ZFHX3: variants seen among roughly 807,000 people sequenced by gnomAD.
ZFHX3 encodes zinc finger homeobox protein 3.
A neutral mutation model predicts 279.1 loss-of-function variants in ZFHX3; 42 were observed. The observed-to-expected ratio is 0.15, with a 90% CI of 0.12 to 0.19. The LOEUF is 0.19. ZFHX3 is among the 10% of genes least tolerant of loss of function. The pLI, the probability that ZFHX3 is intolerant of heterozygous loss-of-function variation, is 1.00. For synonymous variants in ZFHX3, 2,293 were observed against 1,957.8 expected, an observed-to-expected ratio of 1.17 and a Z score of -4.52; for missense variants, 4,981 against 4,754.0, an observed-to-expected ratio of 1.05 and a Z score of -1.40.
chr16:73,860,478 G>T (rs1324313308), intron 1 of ZFHX3, among the ~76,000 whole-genome samples: 2 of 150,158 alleles, frequency 1.3e-5, no homozygotes, highest in Admixed American at 6.7e-5. Flanking sequence ...CAAACCAGTT[G>T]TAAGATTCAT....
At chr16:73,180,340 T>G (rs1271242403) in intron 5 of ZFHX3, among the ~76,000 whole-genome samples, 1 of 152,130 alleles carries the variant, frequency 6.6e-6, no homozygotes, top group African/African-American at 2.4e-5. Context: ...TTCTCTTTAT[T>G]TTATTATTAT....
chr16:73,534,342 A>G (rs2019857587), intron 2 of ZFHX3, among the ~76,000 whole-genome samples: 1 of 152,056 alleles, frequency 6.6e-6, no homozygotes, highest in African/African-American at 2.4e-5. Context: ...TATCCTCTCA[A>G]TGAGTTCTAC....
Position 72,958,027 on chromosome 16 carries a change from C to T in ZFHX3, c.2119G>A (p.Gly707Arg), listed in dbSNP as rs550330554. The change falls in exon 2 of 10, where the codon GGG (glycine) becomes AGG (arginine). Residue 707 changes from glycine (G) to arginine (R), a missense_variant. This residue lies in a region of ZFHX3 where 39 missense variants were observed against 68.2 expected (regional missense o/e 0.57). Coordinates refer to ENST00000268489, the MANE Select transcript of ZFHX3 (RefSeq NM_006885.4). Reference sequence around the variant, plus strand: ...CGTGCCAGCCGGGGGTGGGGCTGCCCGCTTTTGCAGTAGACACAGGAGCCC... The same window carrying T: ...CGTGCCAGCCGGGGGTGGGGCTGCCTGCTTTTGCAGTAGACACAGGAGCCC... ...PGGSCVYCKSGQPHPRLARGE... is the reference protein window; with the variant it reads ...PGGSCVYCKSRQPHPRLARGE... The T allele has an allele frequency of 2.3e-5, 37 of 1,613,418 alleles. No homozygotes were observed. The highest frequency in any genetic ancestry group is 1.6e-4 in the Middle Eastern group (1 of 6,084).
chr16:73,379,625 C>A (rs897844067), intron 3 of ZFHX3, among the ~76,000 whole-genome samples: 2 of 152,128 alleles, frequency 1.3e-5, no homozygotes, highest in African/African-American at 4.8e-5. Flanking sequence ...TGGAAGCTAT[C>A]AATGTAAGCA....
rs557983700 is a variant in ZFHX3, at chr16:73,530,791, T to C, written c.-1546-74533A>G. Among the ~76,000 whole-genome samples the C allele has an allele frequency of 9.2e-5, 14 of 152,322 alleles. No individual in the cohort carries two copies. In the East Asian group the frequency reaches 1.9e-3, roughly 21 times the overall value. On this transcript the variant is annotated intron_variant, in intron 2 of 17. Coordinates refer to the ZFHX3 transcript ENST00000641206. ...GTGCTTATCTATATTATCTTTATAT[T>C]ACAATCTTTATGAGGTCATGCCTGC...
At chr16:73,028,187 T>C (rs1189969386) in intron 1 of ZFHX3, among the ~76,000 whole-genome samples, 2 of 151,932 alleles carry the variant, frequency 1.3e-5, no homozygotes, top group Admixed American at 6.6e-5. Context: ...TTTTCCACCA[T>C]GAAGACAACT....
At chr16:73,080,944 T>C (rs1380548772) in intron 8 of ZFHX3, among the ~76,000 whole-genome samples, 1 of 152,136 alleles carries the variant, frequency 6.6e-6, no homozygotes, top group African/African-American at 2.4e-5. Flanking sequence ...TTCTAATACT[T>C]CTTACCAAGC....
chr16:73,834,718 C>G (rs1456813802), intron 1 of ZFHX3, among the ~76,000 whole-genome samples: 2 of 152,170 alleles, frequency 1.3e-5, no homozygotes, highest in South Asian at 2.1e-4. Flanking sequence ...TGGTGAAACC[C>G]TGTCTCTACT....
At position 72,932,653 on chromosome 16, in the gene ZFHX3, C is replaced by CAA. The variant is rs3079316; in HGVS notation, c.3216+17814_3216+17815dup. Among the ~76,000 whole-genome samples, 650 of 103,158 alleles carry CAA rather than the reference C, an allele frequency of 6.3e-3. 11 individuals are homozygous for CAA. Among genetic ancestry groups the CAA allele is most frequent in the South Asian group, 0.017 (50 of 2,904 alleles). 67.7% of individuals were successfully genotyped at this position (103,158 alleles called of 152,430 possible). On this transcript the variant is annotated intron_variant, in intron 3 of 9. Transcript: ENST00000268489. ...GAAATTCCATCTCCCTGCTCCGCAC[C>CAA]AAAAAAAAAAAAAAAAAAAAAATCC... is the stretch of plus-strand genomic sequence containing the variant.
chr16:73,580,716 C>T (rs988268113), intron 2 of ZFHX3, among the ~76,000 whole-genome samples: 6 of 151,710 alleles, frequency 4.0e-5, no homozygotes, highest in African/African-American at 1.5e-4. Context: ...CTCTCTGTCT[C>T]TCTCTGTCAA....
intron 5 of ZFHX3, among the ~76,000 whole-genome samples, chr16:73,248,291 T>C (rs962656081): frequency 2.0e-5 from 3 of 151,908 alleles, no homozygotes; most frequent in Admixed American, 2.0e-4. Flanking sequence ...GTGTGTATAC[T>C]GTACATATGA....
chr16:73,253,316 G>T (rs1195744305), intron 5 of ZFHX3, among the ~76,000 whole-genome samples: 1 of 152,124 alleles, frequency 6.6e-6, no homozygotes, highest in African/African-American at 2.4e-5. Flanking sequence ...GGAGAACAGG[G>T]TTGCAATAAA....
Position 72,794,418 on chromosome 16 carries a change from T to A in ZFHX3, c.8264A>T (p.Asp2755Val), listed in dbSNP as rs1341540020. 6.2e-7 allele frequency: 1 copy of A among 1,611,930 alleles called. No individual in the cohort carries two copies. The highest frequency in any genetic ancestry group is 1.3e-5 in the African/African-American group (1 of 74,868). The change falls in exon 9 of 10, where the codon GAT becomes GTT. Residue 2755 changes from aspartate to valine, a missense_variant. By Grantham distance (152) the Asp-to-Val change is radical (BLOSUM62 -3). This residue lies in a region of ZFHX3 where 744 missense variants were observed against 701.3 expected (regional missense o/e 1.06). Coordinates refer to ENST00000268489, the MANE Select transcript of ZFHX3 (RefSeq NM_006885.4). This position sits in a 1 kb window ranked among gnomAD's most constrained non-coding sequence, Gnocchi z 4.2. Reference sequence around the variant, plus strand: ...ATCTCCTTTCATCTGGAGTCCCCCATCACAGTCTAAGAGCATCGCAGACAG... The same window carrying A: ...ATCTCCTTTCATCTGGAGTCCCCCAACACAGTCTAAGAGCATCGCAGACAG... ...LTLSAMLLDCDGGLQMKGDIF... is the reference protein window; with the variant it reads ...LTLSAMLLDCVGGLQMKGDIF...
intron 4 of ZFHX3, among the ~76,000 whole-genome samples, chr16:72,862,426 G>C (rs2037910991): frequency 6.6e-6 from 1 of 152,116 alleles, no homozygotes; most frequent in Non-Finnish European, 1.5e-5. Context: ...CAGTATTCAG[G>C]GTAAACAAAT....
intron 1 of ZFHX3, among the ~76,000 whole-genome samples, chr16:73,025,105 G>T (rs958599779): frequency 2.6e-5 from 4 of 152,160 alleles, no homozygotes; most frequent in African/African-American, 9.7e-5. Flanking sequence ...ACACCGCAGG[G>T]GGAACGAAGG....
chr16:73,526,272 G>T (rs750327791), intron 2 of ZFHX3, among the ~76,000 whole-genome samples: 3 of 152,232 alleles, frequency 2.0e-5, no homozygotes, highest in Non-Finnish European at 2.9e-5. Context: ...AGGCTAGAAG[G>T]GTCGCTTGAT....
At chr16:73,578,383 GAA>G (rs11442717) in intron 2 of ZFHX3, among the ~76,000 whole-genome samples, 64 of 144,304 alleles carry the variant, frequency 4.4e-4, no homozygotes, top group African/African-American at 1.4e-3. Context: ...GATGTTAAAT[GAA>G]AAAAAAAAAA....
rs538076100 is a variant in ZFHX3, at chr16:72,783,621, C to A, written c.*3543G>T. 6.6e-6 allele frequency: 1 copy of A among 152,130 alleles called. No homozygotes were observed. The highest frequency in any genetic ancestry group is 2.4e-5 in the African/African-American group (1 of 41,488). 9.4% of individuals were successfully genotyped at this position (152,130 alleles called of 1,614,324 possible). A position where few individuals can be genotyped will look rare whatever the true frequency, so the allele number is the denominator to read the frequency against. ...AAATTCCTAGATGTATTAAATTTTTCCTTGTGTAGATATGTGGTTTTTGGA... is the reference window on the plus strand; with the variant it reads ...AAATTCCTAGATGTATTAAATTTTTACTTGTGTAGATATGTGGTTTTTGGA... On this transcript the variant is annotated 3_prime_UTR_variant, in exon 10 of 10. Transcript: ENST00000268489.
intron 2 of ZFHX3, among the ~76,000 whole-genome samples, chr16:73,522,588 A>C (rs1190315956): frequency 6.6e-6 from 1 of 152,144 alleles, no homozygotes; most frequent in African/African-American, 2.4e-5. Context: ...GACCATGTCC[A>C]ATCCCAGAGC....
Sources: gnomAD v4.1 joint callset for allele counts (sites outside exome capture counted in the v4.1 genomes callset) on GRCh38, gnomAD v4.1.1 for gene constraint, gnomAD v4.1.1 regional missense constraint, Gnocchi (gnomAD v3.1) non-coding constraint, MANE v1.5 for transcripts, NCBI Gene and HGNC (gene_info 2026-07-23, HGNC 2026-07-21) for gene names.